Variants in ENTPD4 observed in about 807,000 individuals in gnomAD.
ENTPD4 encodes ectonucleoside triphosphate diphosphohydrolase 4, also known as Golgi UDPase.
A neutral mutation model predicts 79.1 loss-of-function variants in ENTPD4; 60 were observed. The ratio of observed to expected loss-of-function variants is 0.76; its 90% confidence interval spans 0.62 to 0.94. ENTPD4 has a LOEUF of 0.94. Ranked by LOEUF, ENTPD4 falls within the 40% of genes least tolerant of loss-of-function variation. ENTPD4 has a pLI of 0.00. For missense variants in ENTPD4, 772 were observed against 775.1 expected, an observed-to-expected ratio of 1.00 and a Z score of 0.05; for synonymous variants, 276 against 292.0, an observed-to-expected ratio of 0.95 and a Z score of 0.56.
intron 11 of ENTPD4, chr8:23,434,805 C>A (rs914185694): frequency 2.9e-6 from 2 of 693,280 alleles, no homozygotes; most frequent in Admixed American, 9.0e-5. Flanking sequence ...AGGTTCCAAC[C>A]TCTTTGTACC....
At chr8:23,456,387 A>G (rs981980736) in intron 1 of ENTPD4, among the ~76,000 whole-genome samples, 9 of 152,242 alleles carry the variant, frequency 5.9e-5, no homozygotes, top group African/African-American at 2.2e-4. Flanking sequence ...CCTGTTACAC[A>G]TCCTGATGTT....
intron 10 of ENTPD4, among the ~76,000 whole-genome samples, 165 bp from the exon 11 acceptor site, chr8:23,435,642 A>G (rs1400584095): frequency 6.6e-6 from 1 of 152,234 alleles, no homozygotes; most frequent in African/African-American, 2.4e-5. Context: ...ACACTCAGGG[A>G]ATACTTACTG....
chr8:23,434,575 C>A, intron 11 of ENTPD4, 97 bp from the exon 12 acceptor site: 1 of 1,548,428 alleles, frequency 6.5e-7, no homozygotes, highest in Non-Finnish European at 8.7e-7. Flanking sequence ...TGTGGGCAGC[C>A]TTGGGGCAGG....
intron 8 of ENTPD4, among the ~76,000 whole-genome samples, chr8:23,440,441 G>A (rs1800648332): frequency 1.3e-5 from 2 of 151,958 alleles, no homozygotes; most frequent in African/African-American, 2.4e-5. Context: ...TTCACTAAAA[G>A]GCTAACAATG....
Position 23,430,817 on chromosome 8 carries a change from C to T in ENTPD4, c.*2109G>A. On this transcript the variant is annotated 3_prime_UTR_variant, in exon 13 of 13. Transcript: ENST00000358689. ...TCTCTGCTGCTGACACCAGTGGCTCCATCGCCAGCTCCCTGCAGCCTCCAC... is the reference window on the plus strand; with the variant it reads ...TCTCTGCTGCTGACACCAGTGGCTCTATCGCCAGCTCCCTGCAGCCTCCAC... 2.0e-6 allele frequency: 2 copies of T among 985,676 alleles called. No individual in the cohort carries two copies. Among genetic ancestry groups the T allele is most frequent in the Non-Finnish European group, 2.4e-6 (2 of 830,128 alleles). The allele number at this position is 985,676 out of a possible 1,614,324, so 61.1% of individuals were successfully genotyped here.
intron 9 of ENTPD4, among the ~76,000 whole-genome samples, chr8:23,437,495 G>C (rs1030452106): frequency 2.0e-5 from 3 of 152,158 alleles, no homozygotes; most frequent in Admixed American, 6.5e-5. Flanking sequence ...AGTCCAGTTG[G>C]ATAACCTACC....
Position 23,452,064 on chromosome 8 carries a change from G to T in ENTPD4, c.-97-2067C>A, listed in dbSNP as rs577325107. ...AACACTTTATGGATGAGGCAGAGAG[G>T]CTAAGTAACTTGTCTAAGGTCACAC... On this transcript the variant is annotated intron_variant, in intron 1 of 12. Transcript: ENST00000358689. Among the ~76,000 whole-genome samples, 5 of 152,340 alleles carry T rather than the reference G, an allele frequency of 3.3e-5. No homozygotes were observed. The South Asian group carries it at 1.0e-3, about 32-fold the overall frequency.
Position 23,439,740 on chromosome 8 carries a change from G to C in ENTPD4, c.1049+9C>G, listed in dbSNP as rs1325129497. ...GCAAATGACTGCCAAGTAGTGAAAGGTGCTTTACCTGTTCTTTTGAATGGT... is the reference window on the plus strand; with the variant it reads ...GCAAATGACTGCCAAGTAGTGAAAGCTGCTTTACCTGTTCTTTTGAATGGT... On this transcript the variant is annotated intron_variant, in intron 9 of 12. Transcript: ENST00000358689. The C allele has an allele frequency of 5.0e-6, 8 of 1,613,800 alleles. No homozygotes were observed. The Middle Eastern group carries it at 9.9e-4, about 199-fold the overall frequency.
At chr8:23,434,773 A>C in intron 11 of ENTPD4, 1 of 1,157,226 alleles carries the variant, frequency 8.6e-7, no homozygotes, top group Middle Eastern at 3.5e-4. Flanking sequence ...TTCACCATGT[A>C]CTCCTTGAAT....
In ENTPD4 at chr8:23,434,408, T is replaced by A. The variant is rs761988380; in HGVS notation, c.1531A>T (p.Lys511Ter). 1 of 1,614,218 alleles carries A rather than the reference T, an allele frequency of 6.2e-7. No homozygotes were observed. Among genetic ancestry groups the A allele is most frequent in the South Asian group, 1.1e-5 (1 of 91,086 alleles). ...ACTTGCAAGGCAGTCTTTAAGCTTT[T>A]ATAGTTGACAGGAAACGAAAAGCCC... ...HRGFSFPVNYKSLKTALQVYD... is the reference protein window; with the variant it reads ...HRGFSFPVNY Residue 511 changes from lysine to a stop codon, truncating the protein, a stop_gained, in exon 12 of 13, where the codon AAA (lysine) becomes TAA (stop). Transcript: ENST00000358689. LOFTEE classifies it high-confidence loss of function.
chr8:23,455,869 T>C (rs1800948745), intron 1 of ENTPD4, among the ~76,000 whole-genome samples: 1 of 152,240 alleles, frequency 6.6e-6, no homozygotes, highest in Non-Finnish European at 1.5e-5. Context: ...TACCTGGTTC[T>C]CAGCTTTGAT....
chr8:23,455,738 C>T (rs183012914), intron 1 of ENTPD4, among the ~76,000 whole-genome samples: 1 of 152,152 alleles, frequency 6.6e-6, no homozygotes. Flanking sequence ...CATTGAAGCC[C>T]TGTTACTGCA....
chr8:23,451,554 C>T (rs1205647259), intron 1 of ENTPD4, among the ~76,000 whole-genome samples: 3 of 152,142 alleles, frequency 2.0e-5, no homozygotes, highest in African/African-American at 7.2e-5. Context: ...CTCAGGACCC[C>T]GATCAGATTA....
rs1158737962 is a variant in ENTPD4 at position 23,430,567 on chromosome 8, T to G, written c.*2359A>C. 1.0e-6 allele frequency: 1 copy of G among 984,172 alleles called. No homozygotes were observed. Among genetic ancestry groups the G allele is most frequent in the East Asian group, 1.1e-4 (1 of 8,822 alleles). The allele number at this position is 984,172 out of a possible 1,614,324, so 61.0% of individuals were successfully genotyped here. On this transcript the variant is annotated 3_prime_UTR_variant, in exon 13 of 13. Coordinates refer to ENST00000358689, the MANE Select transcript of ENTPD4 (RefSeq NM_004901.5). ...GGCTTTACAGGCCACATATAGTGTC[T>G]GCTGCATATTCTTCAACGTTTTTTC...
chr8:23,436,708 C>T (rs567655727), intron 10 of ENTPD4, among the ~76,000 whole-genome samples: 1 of 152,224 alleles, frequency 6.6e-6, no homozygotes, highest in Non-Finnish European at 1.5e-5. Flanking sequence ...AACTGATGAC[C>T]AGGGTAGCTA....
At chr8:23,445,156 A>G (rs1800744551) in intron 4 of ENTPD4, among the ~76,000 whole-genome samples, 2 of 152,170 alleles carry the variant, frequency 1.3e-5, no homozygotes. Flanking sequence ...CAGCAGCCCA[A>G]GCCAGGGTCT....
rs558092372 is a variant in ENTPD4, at chr8:23,430,453, G to A, written c.*2473C>T. Reference sequence around the variant, plus strand: ...TGGAAACTACATTCCTGATTTAAGAGGATGCTTCTGTCTGTATCCTTTTTT... The same window carrying A: ...TGGAAACTACATTCCTGATTTAAGAAGATGCTTCTGTCTGTATCCTTTTTT... On this transcript the variant is annotated 3_prime_UTR_variant, in exon 13 of 13. Coordinates refer to ENST00000358689, the MANE Select transcript of ENTPD4 (RefSeq NM_004901.5). 3 of 985,420 alleles carry A rather than the reference G, an allele frequency of 3.0e-6. No individual in the cohort carries two copies. The South Asian group carries it at 1.4e-4, about 46-fold the overall frequency. The allele number at this position is 985,420 out of a possible 1,614,324, so 61.0% of individuals were successfully genotyped here. A position where few individuals can be genotyped will look rare whatever the true frequency, so the allele number is the denominator to read the frequency against.
At chr8:23,448,106 TCAAA>T (rs1406775185) in intron 3 of ENTPD4, among the ~76,000 whole-genome samples, 2 of 152,180 alleles carry the variant, frequency 1.3e-5, no homozygotes, top group African/African-American at 2.4e-5. Flanking sequence ...TTACAGAAGT[TCAAA>T]CAAATTCCAA....
At chr8:23,446,024 C>T (rs948506933) in intron 4 of ENTPD4, among the ~76,000 whole-genome samples, 2 of 152,212 alleles carry the variant, frequency 1.3e-5, no homozygotes, top group African/African-American at 4.8e-5. Flanking sequence ...TTTGACAACA[C>T]ATACAATTCA....
Sources: allele counts gnomAD v4.1 joint callset (sites outside exome capture counted in the v4.1 genomes callset), GRCh38; gene constraint gnomAD v4.1.1; transcripts MANE v1.5; gene names NCBI Gene and HGNC (gene_info 2026-07-23, HGNC 2026-07-21).